The following AUH variants were observed in gnomAD, a reference collection of about 807,000 sequenced individuals.
AUH encodes the protein methylglutaconyl-CoA hydratase, mitochondrial.
In AUH, 29 loss-of-function variants were observed where a neutral mutation model predicts 42.3. The observed-to-expected ratio is 0.69, with a 90% CI of 0.51 to 0.93. The LOEUF is 0.93. Among genes scored for constraint, AUH ranks in the 40% least tolerant of loss-of-function variants. AUH has a pLI of 0.00. For synonymous variants in AUH, 174 were observed against 166.4 expected (o/e 1.05, Z -0.35); for missense variants, 452 against 438.1 (o/e 1.03, Z -0.28).
chr9:91,261,268 T>G (rs1829693959), intron 6 of AUH, among the ~76,000 whole-genome samples: 1 of 152,204 alleles, frequency 6.6e-6, no homozygotes, highest in South Asian at 2.1e-4. Context: ...TTAAATTCTT[T>G]GCCAAGCAGG....
chr9:91,325,473 T>G (rs977990347), intron 3 of AUH, 69 bp from the exon 4 acceptor site: 11 of 1,287,632 alleles, frequency 8.5e-6, no homozygotes, highest in East Asian at 2.3e-5. Context: ...AATTGAAAAT[T>G]TACTTAAGAT....
intron 4 of AUH, among the ~76,000 whole-genome samples, chr9:91,303,818 T>C (rs1156990946): frequency 6.6e-6 from 1 of 152,238 alleles, no homozygotes; most frequent in African/African-American, 2.4e-5. Flanking sequence ...ATCTTTCATT[T>C]TGGCTAAAAC....
intron 6 of AUH, among the ~76,000 whole-genome samples, chr9:91,259,783 T>C (rs917457611): frequency 2.0e-5 from 3 of 152,152 alleles, no homozygotes; most frequent in Non-Finnish European, 4.4e-5. Context: ...TCCACTGGTG[T>C]CAGAGAATAT....
At chr9:91,239,667 C>T (rs1828389819) in intron 6 of AUH, among the ~76,000 whole-genome samples, 1 of 152,202 alleles carries the variant, frequency 6.6e-6, no homozygotes. Context: ...ATTTATCCTT[C>T]CATTTGTGAC....
intron 6 of AUH, among the ~76,000 whole-genome samples, chr9:91,247,137 CCT>C (rs1828841515): frequency 6.6e-6 from 1 of 152,204 alleles, no homozygotes; most frequent in African/African-American, 2.4e-5. Flanking sequence ...AGCCTTCTTT[CCT>C]CTCTCACTGC....
chr9:91,314,682 G>A (rs866426148), intron 4 of AUH, among the ~76,000 whole-genome samples: 9 of 151,934 alleles, frequency 5.9e-5, no homozygotes, highest in African/African-American at 2.2e-4. Context: ...TAGCTATGAT[G>A]TGATGGGAGG....
Position 91,217,282 on chromosome 9 carries a change from T to C in AUH, c.889A>G (p.Met297Val), listed in dbSNP as rs746444416. 1 of 1,613,720 alleles carries C rather than the reference T, an allele frequency of 6.2e-7. No individual in the cohort carries two copies. Among genetic ancestry groups the C allele is most frequent in the Non-Finnish European group, 8.5e-7 (1 of 1,179,694 alleles). The stretch of plus-strand genomic sequence containing the variant: ...TCAAGCATTAAGGAACCTACCTCCA[T>C]CCCTTGATTAATTGCTAATTTTGCC... ...RVAKLAINQG[M>V]EVDLVTGLAI... Residue 297 changes from methionine to valine, a missense_variant, in exon 8 of 10, where the codon ATG (methionine) becomes GTG (valine). Physicochemically the swap from Met to Val is conservative, Grantham distance 21 (BLOSUM62 1). Transcript: ENST00000375731.
intron 6 of AUH, among the ~76,000 whole-genome samples, chr9:91,236,030 T>C (rs922575889): frequency 1.3e-5 from 2 of 152,182 alleles, no homozygotes; most frequent in East Asian, 3.9e-4. Context: ...TTAAGCCAGC[T>C]GAAATAGGGT....
At chr9:91,257,247 G>A (rs1829452651) in intron 6 of AUH, among the ~76,000 whole-genome samples, 1 of 152,006 alleles carries the variant, frequency 6.6e-6, no homozygotes, top group Admixed American at 6.5e-5. Flanking sequence ...GAAACAGCTA[G>A]TAGTCTCTGC....
At chr9:91,256,367 C>T (rs916666860) in intron 6 of AUH, among the ~76,000 whole-genome samples, 1 of 152,108 alleles carries the variant, frequency 6.6e-6, no homozygotes, top group Non-Finnish European at 1.5e-5. Flanking sequence ...CAAAGACTAT[C>T]GAGAACCCCA....
chr9:91,341,986 G>A (rs1018409615), intron 3 of AUH, among the ~76,000 whole-genome samples: 1 of 152,204 alleles, frequency 6.6e-6, no homozygotes, highest in Non-Finnish European at 1.5e-5. Context: ...AGCAGAGAGA[G>A]TAAGAAAGGC....
intron 1 of AUH, among the ~76,000 whole-genome samples, chr9:91,358,050 T>A (rs1342540276): frequency 6.6e-6 from 1 of 152,174 alleles, no homozygotes; most frequent in East Asian, 1.9e-4. Context: ...AATCAACAGA[T>A]AACAGGTTTG....
intron 3 of AUH, among the ~76,000 whole-genome samples, chr9:91,327,574 T>A (rs549176868): frequency 3.7e-4 from 57 of 152,286 alleles, no homozygotes; most frequent in African/African-American, 1.3e-3. Flanking sequence ...ATAAAATTCT[T>A]CTCTGCCTTA....
intron 9 of AUH, among the ~76,000 whole-genome samples, chr9:91,215,139 G>T (rs1459910398): frequency 6.6e-6 from 1 of 152,136 alleles, no homozygotes; most frequent in African/African-American, 2.4e-5. Flanking sequence ...CAACTCCCAG[G>T]AAAGGTAGAA....
At chr9:91,331,901 G>A (rs997352646) in intron 3 of AUH, among the ~76,000 whole-genome samples, 1 of 152,150 alleles carries the variant, frequency 6.6e-6, no homozygotes, top group East Asian at 1.9e-4. Context: ...AGCCAAAAAC[G>A]TCCCTCAAAT....
At chr9:91,274,916 T>G (rs986448331) in intron 6 of AUH, among the ~76,000 whole-genome samples, 1 of 152,186 alleles carries the variant, frequency 6.6e-6, no homozygotes, top group African/African-American at 2.4e-5. Flanking sequence ...ATCTGAAACT[T>G]GCTCTCTAAG....
chr9:91,333,994 G>A (rs1830516276), intron 3 of AUH, among the ~76,000 whole-genome samples: 1 of 152,202 alleles, frequency 6.6e-6, no homozygotes, highest in Admixed American at 6.5e-5. Flanking sequence ...AGTTCAGCCT[G>A]AAGAGTTTTA....
chr9:91,353,289 TG>T (rs1406554094), intron 3 of AUH, among the ~76,000 whole-genome samples: 1 of 152,096 alleles, frequency 6.6e-6, no homozygotes, highest in Non-Finnish European at 1.5e-5. Flanking sequence ...GGTTTCACTA[TG>T]TTGGCCAGGC....
chr9:91,348,072 A>T (rs540262426), intron 3 of AUH, among the ~76,000 whole-genome samples: 15 of 141,768 alleles, frequency 1.1e-4, no homozygotes, highest in African/African-American at 3.2e-4. Flanking sequence ...TCAAGAATAT[A>T]AAAAAAAACA....
Sources: allele counts gnomAD v4.1 joint callset (sites outside exome capture counted in the v4.1 genomes callset), GRCh38; gene constraint gnomAD v4.1.1; transcripts MANE v1.5; gene names NCBI Gene and HGNC (gene_info 2026-07-23, HGNC 2026-07-21).